TRABD2B: variants seen among roughly 807,000 people sequenced by gnomAD.
The protein encoded by TRABD2B is metalloprotease TIKI2.
In TRABD2B, 14 loss-of-function variants were observed where a neutral mutation model predicts 40.1. That is an observed-to-expected ratio of 0.35 (90% CI 0.23 to 0.55). The LOEUF (loss-of-function observed/expected upper bound fraction) is 0.55. Among genes scored for constraint, TRABD2B ranks in the 20% least tolerant of loss-of-function variants. The pLI is 0.90. For missense variants in TRABD2B, 541 were observed against 648.6 expected, an observed-to-expected ratio of 0.83 and a Z score of 1.80; for synonymous variants, 263 against 277.0, an observed-to-expected ratio of 0.95 and a Z score of 0.50.
At chr1:47,949,940 G>C (rs191822396) in intron 2 of TRABD2B, among the ~76,000 whole-genome samples, 1 of 152,292 alleles carries the variant, frequency 6.6e-6, no homozygotes, top group Admixed American at 6.5e-5. Flanking sequence ...ACTATAAGAA[G>C]GAGGCAACTA....
At chr1:47,977,334 G>C (rs1570403416) in intron 2 of TRABD2B, among the ~76,000 whole-genome samples, 1 of 152,204 alleles carries the variant, frequency 6.6e-6, no homozygotes, top group East Asian at 1.9e-4. Flanking sequence ...GGCTTCCCAA[G>C]GTTCTGGAAT....
At chr1:47,966,871 C>G (rs1048428879) in intron 2 of TRABD2B, among the ~76,000 whole-genome samples, 8 of 150,350 alleles carry the variant, frequency 5.3e-5, no homozygotes, top group African/African-American at 2.0e-4. Flanking sequence ...CACCACTGCA[C>G]CACAGACTGG....
intron 2 of TRABD2B, among the ~76,000 whole-genome samples, chr1:47,990,390 T>A (rs1423899437): frequency 1.3e-5 from 2 of 152,156 alleles, no homozygotes; most frequent in Non-Finnish European, 2.9e-5. Flanking sequence ...TCTGCAGGTC[T>A]CAAGCTTGTC....
intron 2 of TRABD2B, among the ~76,000 whole-genome samples, chr1:47,866,440 T>G (rs2124573570): frequency 6.6e-6 from 1 of 152,120 alleles, no homozygotes; most frequent in Non-Finnish European, 1.5e-5. Context: ...ACCCTACCCT[T>G]TTTCAGAGGG....
chr1:47,874,849 C>T (rs1303728529), intron 2 of TRABD2B, among the ~76,000 whole-genome samples: 1 of 152,066 alleles, frequency 6.6e-6, no homozygotes, highest in East Asian at 1.9e-4. Flanking sequence ...CTCCCAAGTG[C>T]TGGGATTACA....
intron 4 of TRABD2B, among the ~76,000 whole-genome samples, chr1:47,781,397 T>C (rs1644520014): frequency 6.6e-6 from 1 of 152,156 alleles, no homozygotes. Flanking sequence ...GAGGAGCGTT[T>C]CTGGGACTGA....
rs1411343253 is a variant in TRABD2B, at chr1:47,813,337, G to C, written c.667-11718C>G. ...TAGCCAAGGAGGACCGGATTGGAGG[G>C]GGCACCTCCAGGTGGCCAGGGATGG... On this transcript the variant is annotated intron_variant, in intron 2 of 6. Coordinates refer to ENST00000606738, the MANE Select transcript of TRABD2B (RefSeq NM_001194986.2). This position sits in a 1 kb window ranked among gnomAD's most constrained non-coding sequence, Gnocchi z 4.3. Among the ~76,000 whole-genome samples, 1 of 152,124 alleles carries C rather than the reference G, an allele frequency of 6.6e-6. No homozygotes were observed. Among genetic ancestry groups the C allele is most frequent in the Non-Finnish European group, 1.5e-5 (1 of 68,026 alleles).
At chr1:47,914,293 G>A (rs904747084) in intron 2 of TRABD2B, among the ~76,000 whole-genome samples, 2 of 152,248 alleles carry the variant, frequency 1.3e-5, no homozygotes, top group Non-Finnish European at 2.9e-5. Context: ...GCAGACACAA[G>A]AGTAGCAGGA....
At chr1:47,826,323 A>G (rs1645173432) in intron 2 of TRABD2B, among the ~76,000 whole-genome samples, 1 of 152,188 alleles carries the variant, frequency 6.6e-6, no homozygotes, top group African/African-American at 2.4e-5. Context: ...AATATGAAAT[A>G]TATTTAAGTG....
intron 4 of TRABD2B, 140 bp downstream of exon 4, chr1:47,794,446 G>A (rs1644717371): frequency 2.2e-6 from 2 of 905,144 alleles, no homozygotes; most frequent in Non-Finnish European, 3.1e-6. Flanking sequence ...TTGGATCTCG[G>A]TGCTGCTGCT....
At chr1:47,822,003 A>G (rs1315515816) in intron 2 of TRABD2B, among the ~76,000 whole-genome samples, 1 of 152,188 alleles carries the variant, frequency 6.6e-6, no homozygotes, top group African/African-American at 2.4e-5. Flanking sequence ...AGACATTCAC[A>G]CAGAGACGTG....
chr1:47,947,610 G>A (rs757711364), intron 2 of TRABD2B, among the ~76,000 whole-genome samples: 54 of 152,150 alleles, frequency 3.5e-4, no homozygotes, highest in South Asian at 6.2e-4. Context: ...GGAGGAGTTC[G>A]GGCGTCAATT....
intron 2 of TRABD2B, among the ~76,000 whole-genome samples, chr1:47,823,484 T>C (rs1645137228): frequency 6.6e-6 from 1 of 152,194 alleles, no homozygotes; most frequent in Non-Finnish European, 1.5e-5. Flanking sequence ...TCTGATTGCA[T>C]TCCCCTAGTG....
intron 2 of TRABD2B, among the ~76,000 whole-genome samples, chr1:47,847,592 G>A (rs1336968234): frequency 6.6e-6 from 1 of 152,134 alleles, no homozygotes; most frequent in Non-Finnish European, 1.5e-5. Flanking sequence ...CAGCAGATGC[G>A]GAACTGAGCT....
intron 2 of TRABD2B, among the ~76,000 whole-genome samples, chr1:47,853,162 C>T (rs1643849035): frequency 6.6e-6 from 1 of 152,186 alleles, no homozygotes; most frequent in African/African-American, 2.4e-5. Flanking sequence ...GAGGGCCACT[C>T]ACTGGGAGAT....
At chr1:47,868,358 G>A (rs374029561) in intron 2 of TRABD2B, among the ~76,000 whole-genome samples, 12 of 152,300 alleles carry the variant, frequency 7.9e-5, no homozygotes, top group East Asian at 5.8e-4. Context: ...AGGAAGGAAG[G>A]ACAGAAGGAA....
intron 2 of TRABD2B, among the ~76,000 whole-genome samples, chr1:47,914,170 C>T (rs1012663104): frequency 3.9e-5 from 6 of 152,224 alleles, no homozygotes; most frequent in African/African-American, 1.4e-4. Context: ...ATTCCAGCAC[C>T]TGGCAGGTGA....
intron 2 of TRABD2B, among the ~76,000 whole-genome samples, chr1:47,881,783 C>G (rs896726959): frequency 2.6e-5 from 4 of 152,222 alleles, no homozygotes; most frequent in African/African-American, 9.6e-5. Context: ...CACCACATGT[C>G]TGCATGGCTT....
intron 2 of TRABD2B, among the ~76,000 whole-genome samples, chr1:47,970,082 C>T (rs1170465357): frequency 1.3e-5 from 2 of 152,130 alleles, no homozygotes; most frequent in Non-Finnish European, 2.9e-5. Flanking sequence ...GCTCAGCAAA[C>T]ATTGGTGAAT....
Sources: gnomAD v4.1 joint callset for allele counts (sites outside exome capture counted in the v4.1 genomes callset) on GRCh38, gnomAD v4.1.1 for gene constraint, Gnocchi (gnomAD v3.1) non-coding constraint, MANE v1.5 for transcripts, NCBI Gene and HGNC (gene_info 2026-07-23, HGNC 2026-07-21) for gene names.